The following SUPT3H variants were observed in gnomAD, a reference collection of about 807,000 sequenced individuals.
SUPT3H encodes SPT3 homolog, SAGA and STAGA complex component, also known as transcription initiation protein SPT3 homolog.
SUPT3H carries 44 observed loss-of-function variants against 44.3 expected under a neutral mutation model. The ratio of observed to expected loss-of-function variants is 0.99; its 90% CI spans 0.78 to 1.28. SUPT3H has a LOEUF of 1.28. Among genes scored for constraint, SUPT3H ranks in the 50% most tolerant of loss-of-function variants. SUPT3H has a pLI of 0.00. For synonymous variants in SUPT3H, 124 were observed against 125.6 expected, an observed-to-expected ratio of 0.99 and a Z score of 0.09; for missense variants, 380 against 387.1, an observed-to-expected ratio of 0.98 and a Z score of 0.15.
chr6:45,085,281 A>G (rs957713351), intron 3 of SUPT3H, among the ~76,000 whole-genome samples: 3 of 152,170 alleles, frequency 2.0e-5, no homozygotes, highest in Non-Finnish European at 4.4e-5. Flanking sequence ...ATTCTGAAGC[A>G]TCTCTATGCA....
At position 45,151,670 on chromosome 6, in the gene SUPT3H, A is replaced by G. The variant is rs146308880; in HGVS notation, c.102-45664T>C. Among the ~76,000 whole-genome samples the G allele has an allele frequency of 2.5e-3, 387 of 152,314 alleles. 4 individuals carry two copies. Among genetic ancestry groups the G allele is most frequent in the African/African-American group, 8.8e-3 (366 of 41,572 alleles). On this transcript the variant is annotated intron_variant, in intron 2 of 10. Coordinates refer to ENST00000371459, the MANE Select transcript of SUPT3H (RefSeq NM_003599.4). Reference sequence around the variant, plus strand: ...ACAGGTAATTAATTATGACGTAAAAATGTAATTCTAATTCATAATTGTAAC... The same window carrying G: ...ACAGGTAATTAATTATGACGTAAAAGTGTAATTCTAATTCATAATTGTAAC...
chr6:44,867,157 T>C (rs868653681), intron 10 of SUPT3H, among the ~76,000 whole-genome samples: 13 of 151,530 alleles, frequency 8.6e-5, no homozygotes, highest in Middle Eastern at 3.4e-3. Flanking sequence ...AGATACACTT[T>C]TTTTTTTTTT....
At chr6:44,819,517 A>AGGG (rs1554127745) in intron 11 of SUPT3H, among the ~76,000 whole-genome samples, 4 of 149,858 alleles carry the variant, frequency 2.7e-5, no homozygotes, top group Non-Finnish European at 4.4e-5. Flanking sequence ...CATAGATAAG[A>AGGG]GTGGTGATTC....
At chr6:44,892,221 A>C (rs1352536064) in intron 10 of SUPT3H, among the ~76,000 whole-genome samples, 1 of 152,114 alleles carries the variant, frequency 6.6e-6, no homozygotes, top group Admixed American at 6.5e-5. Flanking sequence ...CAGAGCTCTA[A>C]GGAGATAGTT....
chr6:45,317,227 C>CAAAA (rs70996324), intron 2 of SUPT3H, among the ~76,000 whole-genome samples: 925 of 36,060 alleles, frequency 0.026, 78 homozygotes, highest in South Asian at 0.054. Context: ...GACTCTGTCT[C>CAAAA]AAAAAAAAAA....
intron 2 of SUPT3H, among the ~76,000 whole-genome samples, chr6:45,148,009 G>A (rs534360706): frequency 1.7e-4 from 26 of 152,038 alleles, no homozygotes; most frequent in African/African-American, 6.0e-4. Context: ...TTTTTATCAC[G>A]TACCCACAGG....
intron 2 of SUPT3H, among the ~76,000 whole-genome samples, chr6:45,247,292 C>A (rs1771537943): frequency 6.6e-6 from 1 of 152,202 alleles, no homozygotes; most frequent in South Asian, 2.1e-4. Context: ...AGCCTGACTG[C>A]AGAGCTGGCC....
At chr6:45,314,140 C>G (rs1325750623) in intron 2 of SUPT3H, among the ~76,000 whole-genome samples, 1 of 152,104 alleles carries the variant, frequency 6.6e-6, no homozygotes, top group Non-Finnish European at 1.5e-5. Flanking sequence ...AAGGGACATA[C>G]CTTAATGTAA....
chr6:45,173,076 T>A (rs1448352343), intron 2 of SUPT3H, among the ~76,000 whole-genome samples: 1 of 151,986 alleles, frequency 6.6e-6, no homozygotes, highest in Non-Finnish European at 1.5e-5. Context: ...ATACAAATAA[T>A]CAAACACTAA....
intron 3 of SUPT3H, among the ~76,000 whole-genome samples, chr6:45,044,567 T>C (rs1254021005): frequency 2.0e-5 from 3 of 152,182 alleles, no homozygotes; most frequent in African/African-American, 7.2e-5. Flanking sequence ...ATATTACTTA[T>C]TGAATGAATG....
At chr6:44,981,034 C>T (rs1214617596) in intron 6 of SUPT3H, among the ~76,000 whole-genome samples, 1 of 152,288 alleles carries the variant, frequency 6.6e-6, no homozygotes. Context: ...CACTCCAATG[C>T]CTACTTAAAT....
intron 2 of SUPT3H, among the ~76,000 whole-genome samples, chr6:45,308,798 A>T (rs185981107): frequency 2.0e-5 from 3 of 146,690 alleles, no homozygotes; most frequent in African/African-American, 7.4e-5. Context: ...ATTCTGAATT[A>T]AAAAAAAAAA....
intron 6 of SUPT3H, among the ~76,000 whole-genome samples, chr6:44,990,159 G>A (rs907239023): frequency 6.6e-6 from 1 of 151,676 alleles, no homozygotes; most frequent in East Asian, 1.9e-4. Flanking sequence ...AGTTAATTAC[G>A]GTGAGAGATA....
chr6:45,058,162 G>A (rs1210864712), intron 3 of SUPT3H, among the ~76,000 whole-genome samples: 1 of 152,096 alleles, frequency 6.6e-6, no homozygotes. Context: ...TTATTGGAAA[G>A]AGTAAGACAA....
chr6:45,166,803 G>T (rs1255107486), intron 2 of SUPT3H, among the ~76,000 whole-genome samples: 1 of 152,158 alleles, frequency 6.6e-6, no homozygotes. Flanking sequence ...ATTAGGGAAT[G>T]CAAATTAAAA....
intron 2 of SUPT3H, among the ~76,000 whole-genome samples, chr6:45,323,371 AT>A (rs1417494746): frequency 6.6e-6 from 1 of 152,026 alleles, no homozygotes; most frequent in Non-Finnish European, 1.5e-5. Context: ...TTAAAACCCG[AT>A]TTTTTTAGAT....
At chr6:45,064,260 G>C (rs1792802524) in intron 3 of SUPT3H, among the ~76,000 whole-genome samples, 1 of 146,288 alleles carries the variant, frequency 6.8e-6, no homozygotes, top group Non-Finnish European at 1.5e-5. Context: ...AGCAAATGCT[G>C]AGAGATTTTG....
At chr6:45,013,817 G>A (rs1409591826) in intron 5 of SUPT3H, among the ~76,000 whole-genome samples, 1 of 152,078 alleles carries the variant, frequency 6.6e-6, no homozygotes, top group Non-Finnish European at 1.5e-5. Flanking sequence ...GGAGGGGCAA[G>A]CTACACTCAC....
At chr6:45,101,779 G>A (rs576206967) in intron 3 of SUPT3H, among the ~76,000 whole-genome samples, 1 of 152,086 alleles carries the variant, frequency 6.6e-6, no homozygotes, top group African/African-American at 2.4e-5. Context: ...CAATTATTAT[G>A]TGTCTATTAA....
Sources: gnomAD v4.1 joint callset for allele counts (sites outside exome capture counted in the v4.1 genomes callset) on GRCh38, gnomAD v4.1.1 for gene constraint, MANE v1.5 for transcripts, NCBI Gene and HGNC (gene_info 2026-07-23, HGNC 2026-07-21) for gene names.